Variants in NCS1 observed in about 807,000 individuals in gnomAD.
NCS1 encodes the protein neuronal calcium sensor 1, also known as frequenin homolog.
In NCS1, 6 loss-of-function variants were observed where a neutral mutation model predicts 28.4. The ratio of observed to expected loss-of-function variants is 0.21; its 90% CI spans 0.12 to 0.42. The LOEUF (loss-of-function observed/expected upper bound fraction) is 0.42. NCS1 is among the 10% of genes least tolerant of loss of function. NCS1 has a pLI of 1.00. For synonymous variants in NCS1, 86 were observed against 99.3 expected (o/e 0.87, Z 0.79); for missense variants, 131 against 241.4 (o/e 0.54, Z 3.03).
rs1833170614 is a variant in NCS1, at chr9:130,215,561, G to T, written c.90-2271G>T. Among the ~76,000 whole-genome samples, 1 of 152,224 alleles carries T rather than the reference G, an allele frequency of 6.6e-6. No individual in the cohort carries two copies. Among genetic ancestry groups the T allele is most frequent in the Admixed American group, 6.5e-5 (1 of 15,276 alleles). On this transcript the variant is annotated intron_variant, in intron 2 of 7. Coordinates refer to ENST00000372398, the MANE Select transcript of NCS1 (RefSeq NM_014286.4). This position sits in a 1 kb window ranked among gnomAD's most constrained non-coding sequence, Gnocchi z 4.2. The stretch of plus-strand genomic sequence containing the variant: ...GCCGGCAGGGCAGAGGACAGGAGAG[G>T]CAGGGCGGGCTCCGAGTCTCACGCA...
intron 2 of NCS1, among the ~76,000 whole-genome samples, chr9:130,201,644 G>GGGA (rs1832949065): frequency 6.6e-6 from 1 of 152,132 alleles, no homozygotes; most frequent in African/African-American, 2.4e-5. Flanking sequence ...GTGGCACGTA[G>GGGA]GGACATGAGG....
rs1373867158 is a variant in NCS1 at position 130,192,420 on chromosome 9, C to T, written c.65-8538C>T. 2.6e-5 allele frequency among the ~76,000 whole-genome samples: 4 copies of T among 152,098 alleles called. No homozygotes were observed. Among genetic ancestry groups the T allele is most frequent in the African/African-American group, 2.4e-5 (1 of 41,398 alleles). On this transcript the variant is annotated intron_variant, in intron 1 of 7. Coordinates refer to ENST00000372398, the MANE Select transcript of NCS1 (RefSeq NM_014286.4). This position sits in a 1 kb window ranked among gnomAD's most constrained non-coding sequence, Gnocchi z 4.8. ...CTTCCTGTCCTCACTCCAGCCCTCT[C>T]GGGGGCTGCTCTTCCTGGACACGGG... is the stretch of plus-strand genomic sequence containing the variant.
At chr9:130,184,520 C>T (rs1231121727) in intron 1 of NCS1, among the ~76,000 whole-genome samples, 2 of 152,302 alleles carry the variant, frequency 1.3e-5, no homozygotes, top group East Asian at 3.9e-4. Context: ...CGCGCCTTCA[C>T]CTATAAAACA....
rs1191033754 is a variant in NCS1 at position 130,181,809 on chromosome 9, C to T, written c.64+9082C>T. On this transcript the variant is annotated intron_variant, in intron 1 of 7. Coordinates refer to ENST00000372398, the MANE Select transcript of NCS1 (RefSeq NM_014286.4). The surrounding 1 kb of genome is among the most constrained non-coding windows in gnomAD (Gnocchi z 5.0). The stretch of plus-strand genomic sequence containing the variant: ...CCGATTCACGTGGGCACGCTCCGAG[C>T]GTGAGTGACGGGGTCATGGCGTGTG... 1.3e-5 allele frequency among the ~76,000 whole-genome samples: 2 copies of T among 152,068 alleles called. No individual in the cohort carries two copies. Among genetic ancestry groups the T allele is most frequent in the African/African-American group, 2.4e-5 (1 of 41,396 alleles).
At chr9:130,220,355 C>T (rs1376391909) in intron 4 of NCS1, among the ~76,000 whole-genome samples, 1 of 152,098 alleles carries the variant, frequency 6.6e-6, no homozygotes, top group East Asian at 1.9e-4. Context: ...TGGGTCCCTG[C>T]TCTCAGGGCG....
intron 1 of NCS1, 103 bp downstream of exon 1, chr9:130,172,830 C>G: frequency 1.8e-6 from 1 of 555,444 alleles, no homozygotes; most frequent in Non-Finnish European, 2.7e-6. Flanking sequence ...CGCGCTGCCG[C>G]CTCCGCTCCG....
chr9:130,183,438 G>C (rs1832692196), intron 1 of NCS1, among the ~76,000 whole-genome samples: 1 of 152,200 alleles, frequency 6.6e-6, no homozygotes, highest in Non-Finnish European at 1.5e-5. Context: ...TGGCAGGGGA[G>C]CAGGGGGAGG....
At chr9:130,212,613 G>A (rs958927529) in intron 2 of NCS1, among the ~76,000 whole-genome samples, 10 of 151,464 alleles carry the variant, frequency 6.6e-5, no homozygotes, top group Non-Finnish European at 1.0e-4. Context: ...GCACAGGCCC[G>A]TGTCCCAGCA....
intron 1 of NCS1, among the ~76,000 whole-genome samples, chr9:130,173,188 C>T (rs1832512954): frequency 7.2e-6 from 1 of 139,572 alleles, no homozygotes; most frequent in Non-Finnish European, 1.5e-5. Context: ...CCCTCCCTGG[C>T]CCCGTTCGTG....
At chr9:130,207,883 C>T (rs1350174034) in intron 2 of NCS1, among the ~76,000 whole-genome samples, 6 of 152,164 alleles carry the variant, frequency 3.9e-5, no homozygotes, top group African/African-American at 1.2e-4. Context: ...GAGGTAGAGC[C>T]GGCATTGGTG....
rs1832598452 is a variant in NCS1, at chr9:130,177,972, C to T, written c.64+5245C>T. Among the ~76,000 whole-genome samples the T allele has an allele frequency of 3.3e-5, 5 of 152,258 alleles. 1 individual carries two copies. In the South Asian group the frequency reaches 1.0e-3, roughly 32 times the overall value. Reference sequence around the variant, plus strand: ...GAAGGCCTCAGTGTTGAGGAGGATTCGGGGCATATGAAGGGTTTAGCTTGG... The same window carrying T: ...GAAGGCCTCAGTGTTGAGGAGGATTTGGGGCATATGAAGGGTTTAGCTTGG... On this transcript the variant is annotated intron_variant, in intron 1 of 7. Coordinates refer to ENST00000372398, the MANE Select transcript of NCS1 (RefSeq NM_014286.4). The surrounding 1 kb of genome is among the most constrained non-coding windows in gnomAD (Gnocchi z 4.4).
intron 1 of NCS1, among the ~76,000 whole-genome samples, chr9:130,183,775 C>T (rs544410958): frequency 1.4e-5 from 2 of 142,234 alleles, no homozygotes; most frequent in East Asian, 2.0e-4. Flanking sequence ...CTTTTCCTTC[C>T]TTCCTTTTCT....
At chr9:130,225,853 T>C (rs1833406061) in intron 6 of NCS1, among the ~76,000 whole-genome samples, 3 of 152,112 alleles carry the variant, frequency 2.0e-5, no homozygotes, top group African/African-American at 7.2e-5. Flanking sequence ...CCTTGAGAGA[T>C]GCTCCGGGGA....
At chr9:130,203,897 G>T (rs892247104) in intron 2 of NCS1, among the ~76,000 whole-genome samples, 4 of 152,292 alleles carry the variant, frequency 2.6e-5, no homozygotes, top group Admixed American at 2.6e-4. Context: ...TCCCACACCT[G>T]GGCCTTCTCC....
chr9:130,220,630 G>T (rs1554910117), intron 4 of NCS1, among the ~76,000 whole-genome samples: 1 of 152,092 alleles, frequency 6.6e-6, no homozygotes, highest in Non-Finnish European at 1.5e-5. Context: ...AGGAATGCAG[G>T]GTGCGTGGAG....
chr9:130,207,167 C>T (rs1352260783), intron 2 of NCS1, among the ~76,000 whole-genome samples: 8 of 152,204 alleles, frequency 5.3e-5, no homozygotes, highest in South Asian at 2.1e-4. Context: ...GCCACAGCCT[C>T]GGCCTCACTG....
At chr9:130,211,425 C>T (rs979957423) in intron 2 of NCS1, among the ~76,000 whole-genome samples, 3 of 151,458 alleles carry the variant, frequency 2.0e-5, no homozygotes, top group African/African-American at 7.3e-5. Context: ...CAGGGAGACT[C>T]GGGATAACGG....
intron 1 of NCS1, among the ~76,000 whole-genome samples, chr9:130,178,040 T>A (rs1832600159): frequency 6.6e-6 from 1 of 152,166 alleles, no homozygotes; most frequent in African/African-American, 2.4e-5. Context: ...ATATTTTTAT[T>A]TCTATAGAGA....
At position 130,226,547 on chromosome 9, in the gene NCS1, A is replaced by C; in HGVS notation, c.*17+43A>C. ...GCCTGGGGTGGGTCTGGGATGGGTC[A>C]GGGGTGAAAACCCAGCAGCAGGACA... On this transcript the variant is annotated intron_variant, in intron 7 of 7. Transcript: ENST00000372398. The surrounding 1 kb of genome is among the most constrained non-coding windows in gnomAD (Gnocchi z 4.8). 1 of 1,453,730 alleles carries C rather than the reference A, an allele frequency of 6.9e-7. No homozygotes were observed. The highest frequency in any genetic ancestry group is 9.5e-7 in the Non-Finnish European group (1 of 1,050,102). 90.1% of individuals were successfully genotyped at this position (1,453,730 alleles called of 1,614,324 possible).
Sources: gnomAD v4.1 joint callset for allele counts (sites outside exome capture counted in the v4.1 genomes callset) on GRCh38, gnomAD v4.1.1 for gene constraint, Gnocchi (gnomAD v3.1) non-coding constraint, MANE v1.5 for transcripts, NCBI Gene and HGNC (gene_info 2026-07-23, HGNC 2026-07-21) for gene names.